Variants in MRAP2 observed in about 807,000 individuals in gnomAD.
The protein encoded by MRAP2 is melanocortin-2 receptor accessory protein 2.
MRAP2 carries 20 observed loss-of-function variants against 17.4 expected under a neutral mutation model. The ratio of observed to expected loss-of-function variants is 1.15; its 90% confidence interval spans 0.81 to 1.67. The LOEUF (loss-of-function observed/expected upper bound fraction) is 1.67, where lower values mean the gene tolerates loss of function less well. Ranked by LOEUF, MRAP2 falls within the 40% of genes most tolerant of loss-of-function variation. MRAP2 has a pLI of 0.00. For synonymous variants in MRAP2, 96 were observed against 88.4 expected, an observed-to-expected ratio of 1.09 and a Z score of -0.48; for missense variants, 238 against 240.0, an observed-to-expected ratio of 0.99 and a Z score of 0.05.
chr6:84,088,928 G>T (rs2480197), intron 3 of MRAP2, among the ~76,000 whole-genome samples, 163 bp from the exon 4 acceptor site: 3 of 152,002 alleles, frequency 2.0e-5, no homozygotes, highest in Non-Finnish European at 4.4e-5. Flanking sequence ...ACTCAGAAGG[G>T]ATTTCTCTTA....
intron 2 of MRAP2, chr6:84,062,648 TG>T: frequency 1.0e-6 from 1 of 985,432 alleles, no homozygotes; most frequent in South Asian, 4.7e-5. Flanking sequence ...CCTTGAGATA[TG>T]GAAAGCATGA....
At chr6:84,145,809 T>TAGAC in the MRAP2 span, among the ~76,000 whole-genome samples, 2 of 152,152 alleles carry the variant, frequency 1.3e-5, no homozygotes, top group African/African-American at 4.8e-5. Flanking sequence ...GTCTTATAAC[T>TAGAC]AGACATACTC....
At chr6:84,074,358 GACAGTT>G (rs2129171633) in intron 3 of MRAP2, among the ~76,000 whole-genome samples, 1 of 152,276 alleles carries the variant, frequency 6.6e-6, no homozygotes, top group African/African-American at 2.4e-5. Flanking sequence ...TTGTCACTAA[GACAGTT>G]ACTTCCTAAA....
intron 3 of MRAP2, among the ~76,000 whole-genome samples, chr6:84,088,857 G>C (rs953099777): frequency 6.6e-6 from 1 of 152,190 alleles, no homozygotes; most frequent in Admixed American, 6.5e-5. Flanking sequence ...CAAGGTGTCT[G>C]TTTTCGGGAT....
chr6:84,055,366 A>G lies in MRAP2; in HGVS notation c.48A>G (p.Ala16=), dbSNP rs753856092. Residue 16 remains alanine, a synonymous_variant, in exon 2 of 4, where the codon GCA becomes GCG. Coordinates refer to ENST00000257776, the MANE Select transcript of MRAP2 (RefSeq NM_138409.4). ...LISNRTSQQS[A]SNSDYTWEYE... is the part of the protein sequence containing the mutation. ...CTAACAGAACCTCCCAGCAATCGGC[A>G]TCTAATTCTGATTACACCTGGGAAT... 6.2e-7 allele frequency: 1 copy of G among 1,613,986 alleles called. No individual in the cohort carries two copies. The highest frequency in any genetic ancestry group is 1.3e-5 in the African/African-American group (1 of 75,052).
intron 1 of MRAP2, among the ~76,000 whole-genome samples, chr6:84,049,439 C>A (rs138818296): frequency 6.6e-6 from 1 of 151,986 alleles, no homozygotes; most frequent in Admixed American, 6.6e-5. Flanking sequence ...AAAAAACACA[C>A]AAAAAACAAA....
intron 1 of MRAP2, among the ~76,000 whole-genome samples, chr6:84,034,833 A>T (rs113548758): frequency 0.012 from 1,887 of 152,236 alleles, 45 homozygotes; most frequent in African/African-American, 0.043. Flanking sequence ...TTGCGATATT[A>T]AATACGTTTT....
At chr6:84,101,621 G>T in the MRAP2 span, among the ~76,000 whole-genome samples, 1 of 152,132 alleles carries the variant, frequency 6.6e-6, no homozygotes, top group South Asian at 2.1e-4. Context: ...TTTATTTGCA[G>T]CATAGCACTA....
the MRAP2 span, among the ~76,000 whole-genome samples, chr6:84,118,286 G>C: frequency 1.3e-5 from 2 of 152,092 alleles, no homozygotes; most frequent in Non-Finnish European, 2.9e-5. Context: ...CAGCCATGCT[G>C]TGCTGGGAAA....
chr6:84,035,712 C>T (rs531714377), intron 1 of MRAP2, among the ~76,000 whole-genome samples: 3 of 152,280 alleles, frequency 2.0e-5, no homozygotes, highest in African/African-American at 7.2e-5. Context: ...GAGCTAGCCC[C>T]ATTCTGGTCA....
the MRAP2 span, among the ~76,000 whole-genome samples, chr6:84,133,202 G>A: frequency 9.8e-5 from 15 of 152,310 alleles, no homozygotes; most frequent in East Asian, 2.9e-3. Context: ...AAATGTTGCT[G>A]CCTGATCCTT....
At chr6:84,070,635 C>G (rs1457236297) in intron 3 of MRAP2, among the ~76,000 whole-genome samples, 4 of 152,088 alleles carry the variant, frequency 2.6e-5, no homozygotes, top group Non-Finnish European at 4.4e-5. Flanking sequence ...TTGTTTAAAT[C>G]CATTGTTTCT....
At chr6:84,051,972 G>A (rs895820455) in intron 1 of MRAP2, among the ~76,000 whole-genome samples, 2 of 152,176 alleles carry the variant, frequency 1.3e-5, no homozygotes, top group Admixed American at 6.5e-5. Context: ...ACCTGGAAAA[G>A]GTAAGCTTCC....
downstream of MRAP2, among the ~76,000 whole-genome samples, chr6:84,095,201 A>G (rs2099502459): frequency 6.6e-6 from 1 of 152,054 alleles, no homozygotes. Context: ...TTGCAAGCAA[A>G]CCTCCCTGGC....
At chr6:84,074,203 A>G (rs1247087524) in intron 3 of MRAP2, among the ~76,000 whole-genome samples, 1 of 152,196 alleles carries the variant, frequency 6.6e-6, no homozygotes, top group Non-Finnish European at 1.5e-5. Context: ...GCCTTATTCT[A>G]TCCCAGCTTC....
intron 2 of MRAP2, among the ~76,000 whole-genome samples, chr6:84,061,298 A>G (rs2099493103): frequency 6.6e-6 from 1 of 152,240 alleles, no homozygotes; most frequent in Non-Finnish European, 1.5e-5. Context: ...ATTGCTAAGC[A>G]TCCTCATTGT....
At chr6:84,070,256 G>A (rs2099495884) in intron 3 of MRAP2, among the ~76,000 whole-genome samples, 1 of 152,058 alleles carries the variant, frequency 6.6e-6, no homozygotes, top group Non-Finnish European at 1.5e-5. Flanking sequence ...TCTTAGCACT[G>A]CCTTTGCTGT....
At chr6:84,083,513 C>T (rs1045118576) in intron 3 of MRAP2, among the ~76,000 whole-genome samples, 2 of 152,084 alleles carry the variant, frequency 1.3e-5, no homozygotes, top group African/African-American at 2.4e-5. Flanking sequence ...ATTACAGAAA[C>T]AAATTTATTC....
chr6:84,104,462 C>G, the MRAP2 span, among the ~76,000 whole-genome samples: 2 of 152,228 alleles, frequency 1.3e-5, no homozygotes, highest in African/African-American at 4.8e-5. Flanking sequence ...ATTTTCTTTT[C>G]TATCGCATAG....
Sources: gnomAD v4.1 joint callset for allele counts (sites outside exome capture counted in the v4.1 genomes callset) on GRCh38, gnomAD v4.1.1 for gene constraint, MANE v1.5 for transcripts, NCBI Gene and HGNC (gene_info 2026-07-23, HGNC 2026-07-21) for gene names.